The following CCDC8 variants were observed in gnomAD, a reference collection of about 807,000 sequenced individuals.
CCDC8 encodes coiled-coil domain-containing protein 8.
In CCDC8, 6 loss-of-function variants were observed where a neutral mutation model predicts 5.2. The ratio of observed to expected loss-of-function variants is 1.16; its 90% CI spans 0.63 to 2.28. The LOEUF (loss-of-function observed/expected upper bound fraction) is 2.28, where lower values mean the gene tolerates loss of function less well. CCDC8 is among the 30% of genes most tolerant of loss of function. CCDC8 has a pLI of 0.00. For missense variants in CCDC8, 724 were observed against 712.2 expected, an observed-to-expected ratio of 1.02 and a Z score of -0.19; for synonymous variants, 310 against 286.5, an observed-to-expected ratio of 1.08 and a Z score of -0.83.
Position 46,412,316 on chromosome 19 carries a change from G to A in CCDC8, c.495C>T (p.Ser165=), listed in dbSNP as rs1378120816. The A allele has an allele frequency of 6.2e-7, 1 of 1,610,976 alleles. No homozygotes were observed. Among genetic ancestry groups the A allele is most frequent in the Non-Finnish European group, 8.5e-7 (1 of 1,179,944 alleles). Residue 165 remains serine, a synonymous_variant, in exon 1 of 1, where the codon AGC becomes AGT. Coordinates refer to ENST00000307522, the MANE Select transcript of CCDC8 (RefSeq NM_032040.5). This position sits in a 1 kb window ranked among gnomAD's most constrained non-coding sequence, Gnocchi z 4.7. ...AFLRRQEKQP[S]APPARRRVNL... ...TGACGCGGCGGCGGGCAGGCGGCGC[G>A]CTGGGCTGCTTCTCCTGTCGCCGGA...
chr19:46,411,334 G>A lies in CCDC8; in HGVS notation c.1477C>T (p.Arg493Trp), dbSNP rs756260382. 46 of 1,614,024 alleles carry A rather than the reference G, an allele frequency of 2.9e-5. No homozygotes were observed. Among genetic ancestry groups the A allele is most frequent in the African/African-American group, 5.3e-5 (4 of 74,926 alleles). The change falls in exon 1 of 1, where the codon CGG becomes TGG. Residue 493 changes from arginine (R) to tryptophan (W), a missense_variant. Arg to Trp is a moderately radical substitution (Grantham distance 101, BLOSUM62 -3). Coordinates refer to ENST00000307522, the MANE Select transcript of CCDC8 (RefSeq NM_032040.5). ...PGRFSWFCKR[R>W]RAFWHTPRLP... ...CGGGGAGTGTGCCAGAAGGCTCTCC[G>A]GCGCTTGCAAAACCACGAAAAGCGT...
rs1973229542 is a variant in CCDC8, at chr19:46,411,619, C to G, written c.1192G>C (p.Asp398His). The change falls in exon 1 of 1, where the codon GAC (aspartate) becomes CAC (histidine). Residue 398 changes from aspartate (D) to histidine (H), a missense_variant. Coordinates refer to ENST00000307522, the MANE Select transcript of CCDC8 (RefSeq NM_032040.5). ...ADNQRAEAPA[D>H]QGSEVTDNQR... is the part of the protein sequence containing the mutation. ...TTATCTGTAACCTCTGACCCCTGGT[C>G]AGCTGGGGCCTCCGCCCTCTGATTA... The G allele has an allele frequency of 3.7e-6, 6 of 1,613,178 alleles. No homozygotes were observed. In the East Asian group the frequency reaches 8.9e-5, roughly 24 times the overall value.
Position 46,412,339 on chromosome 19 carries a change from G to A in CCDC8, c.472C>T (p.Arg158Trp), listed in dbSNP as rs772362396. ...GCGCTGGGCTGCTTCTCCTGTCGCC[G>A]GAGGAAGGCCTCGACCAGTTCCTCA... ...DDEELVEAFL[R>W]RQEKQPSAPP... The change falls in exon 1 of 1, where the codon CGG becomes TGG. Residue 158 changes from arginine (R) to tryptophan (W), a missense_variant. By Grantham distance (101) the Arg-to-Trp change is moderately radical. Transcript: ENST00000307522. The surrounding 1 kb of genome is among the most constrained non-coding windows in gnomAD (Gnocchi z 4.7). The A allele has an allele frequency of 3.7e-6, 6 of 1,612,950 alleles. No homozygotes were observed. The highest frequency in any genetic ancestry group is 1.3e-5 in the African/African-American group (1 of 74,928).
At position 46,412,266 on chromosome 19, in the gene CCDC8, T is replaced by A. The variant is rs1973242538; in HGVS notation, c.545A>T (p.Asp182Val). ...RVNLPVPMFE[D>V]NLGPQLSKAD... is the part of the protein sequence containing the mutation. ...TTTGGACAGCTGAGGCCCCAGGTTG[T>A]CCTCAAACATGGGCACTGGCAGGTT... The change falls in exon 1 of 1, where the codon GAC becomes GTC. Residue 182 changes from aspartate to valine, a missense_variant. Physicochemically the swap from Asp to Val is radical, Grantham distance 152. Coordinates refer to ENST00000307522, the MANE Select transcript of CCDC8 (RefSeq NM_032040.5). The surrounding 1 kb of genome is among the most constrained non-coding windows in gnomAD (Gnocchi z 4.7). 6.2e-7 allele frequency: 1 copy of A among 1,604,268 alleles called. No homozygotes were observed. The highest frequency in any genetic ancestry group is 1.3e-5 in the African/African-American group (1 of 75,038).
chr19:46,411,769 G>C lies in CCDC8; in HGVS notation c.1042C>G (p.Pro348Ala). The C allele has an allele frequency of 6.2e-7, 1 of 1,612,250 alleles. No homozygotes were observed. Among genetic ancestry groups the C allele is most frequent in the Non-Finnish European group, 8.5e-7 (1 of 1,179,586 alleles). The stretch of plus-strand genomic sequence containing the variant: ...GCAGCCTCTGCCCCCTCCTCAGCTG[G>C]GGCCCCTGCCCTCTGATTATCTGCA... ...EAADNQRAGA[P>A]AEEGAEAADN... The change falls in exon 1 of 1, where the codon CCA becomes GCA. Residue 348 changes from proline to alanine, a missense_variant. Physicochemically the swap from Pro to Ala is conservative, Grantham distance 27. Coordinates refer to ENST00000307522, the MANE Select transcript of CCDC8 (RefSeq NM_032040.5).
In CCDC8 at chr19:46,411,868, C is replaced by T. The variant is rs750015411; in HGVS notation, c.943G>A (p.Ala315Thr). Residue 315 changes from alanine (A) to threonine (T), a missense_variant, in exon 1 of 1, where the codon GCT (alanine) becomes ACT (threonine). Physicochemically the swap from Ala to Thr is moderately conservative, Grantham distance 58. Transcript: ENST00000307522. ...GCCCCTGCCCTCTGATTACCTGCAG[C>T]CCCTTCCCGCTGGTCAGCTATGGCC... is the stretch of plus-strand genomic sequence containing the variant. ...EEAIADQREG[A>T]AGNQRAGAPA... The T allele has an allele frequency of 2.5e-6, 4 of 1,613,968 alleles. No individual in the cohort carries two copies. The highest frequency in any genetic ancestry group is 1.7e-6 in the Non-Finnish European group (2 of 1,179,844).
Position 46,411,717 on chromosome 19 carries a change from T to C in CCDC8, c.1094A>G (p.Asp365Gly), listed in dbSNP as rs141966158. The change falls in exon 1 of 1, where the codon GAT becomes GGT. Residue 365 changes from aspartate (D) to glycine (G), a missense_variant. Asp to Gly is a moderately conservative substitution (Grantham distance 94). Coordinates refer to ENST00000307522, the MANE Select transcript of CCDC8 (RefSeq NM_032040.5). Reference protein sequence around the residue: ...AADNQREEAADNQRAEAPADQ... With the variant: ...AADNQREEAAGNQRAEAPADQ... The stretch of plus-strand genomic sequence containing the variant: ...AGCTGGGGCCTCTGCCCTCTGATTA[T>C]CTGCAGCCTCTTCCCTCTGGTTATC... The C allele has an allele frequency of 5.6e-6, 9 of 1,612,506 alleles. No homozygotes were observed. Among genetic ancestry groups the C allele is most frequent in the Non-Finnish European group, 7.6e-6 (9 of 1,179,576 alleles).
In CCDC8 at chr19:46,410,356, G is replaced by T. The variant is rs1222838441; in HGVS notation, c.*838C>A. 1 of 152,194 alleles carries T rather than the reference G, an allele frequency of 6.6e-6. No homozygotes were observed. Among genetic ancestry groups the T allele is most frequent in the Admixed American group, 6.6e-5 (1 of 15,262 alleles). 9.4% of individuals were successfully genotyped at this position (152,194 alleles called of 1,614,324 possible). A position where few individuals can be genotyped will look rare whatever the true frequency, so the allele number is the denominator to read the frequency against. Reference sequence around the variant, plus strand: ...GCAAATCCACACCTCTGGTGCCGAGGGCCCCAGAATCTGTGTTTTGAATGC... The same window carrying T: ...GCAAATCCACACCTCTGGTGCCGAGTGCCCCAGAATCTGTGTTTTGAATGC... On this transcript the variant is annotated 3_prime_UTR_variant, in exon 1 of 1. Transcript: ENST00000307522.
chr19:46,412,510 T>A lies in CCDC8; in HGVS notation c.301A>T (p.Asn101Tyr), dbSNP rs375027255. Residue 101 changes from asparagine to tyrosine, a missense_variant, in exon 1 of 1, where the codon AAC becomes TAC. Coordinates refer to ENST00000307522, the MANE Select transcript of CCDC8 (RefSeq NM_032040.5). The surrounding 1 kb of genome is among the most constrained non-coding windows in gnomAD (Gnocchi z 4.7). The stretch of plus-strand genomic sequence containing the variant: ...TCGCTGAACTCGCTGTCGCTGGCGT[T>A]GCTGCTGTCGTACGTGCCCACGACC... ...RLVVGTYDSSNASDSEFSDFE... is the reference protein window; with the variant it reads ...RLVVGTYDSSYASDSEFSDFE... 2.7e-5 allele frequency: 44 copies of A among 1,607,978 alleles called. No homozygotes were observed. In the African/African-American group the frequency reaches 5.7e-4, roughly 21 times the overall value.
chr19:46,413,131 A>C lies in CCDC8; in HGVS notation c.-321T>G, dbSNP rs1601464339. ...CCAGCAACGCTGACCGGAGAGTCTC[A>C]CCTCCCTAGCCAGGGACGAGCCAAA... On this transcript the variant is annotated 5_prime_UTR_variant, in exon 1 of 1. Coordinates refer to ENST00000307522, the MANE Select transcript of CCDC8 (RefSeq NM_032040.5). 4.5e-6 allele frequency: 2 copies of C among 441,386 alleles called. No individual in the cohort carries two copies. The highest frequency in any genetic ancestry group is 8.6e-6 in the Non-Finnish European group (2 of 232,096). 27.3% of individuals were successfully genotyped at this position (441,386 alleles called of 1,614,324 possible). A position where few individuals can be genotyped will look rare whatever the true frequency, so the allele number is the denominator to read the frequency against.
In CCDC8 at chr19:46,411,783, T is replaced by G. The variant is rs769988646; in HGVS notation, c.1028A>C (p.Gln343Pro). Residue 343 changes from glutamine (Q) to proline (P), a missense_variant, in exon 1 of 1, where the codon CAG becomes CCG. By Grantham distance (76) the Gln-to-Pro change is moderately conservative. Transcript: ENST00000307522. The part of the protein sequence containing the change: ...DNQREEAADN[Q>P]RAGAPAEEGA... ...CTCCTCAGCTGGGGCCCCTGCCCTC[T>G]GATTATCTGCAGCCTCTTCCCTCTG... The G allele has an allele frequency of 6.2e-7, 1 of 1,613,050 alleles. No homozygotes were observed. The highest frequency in any genetic ancestry group is 8.5e-7 in the Non-Finnish European group (1 of 1,179,382).
At position 46,412,038 on chromosome 19, in the gene CCDC8, G is replaced by A. The variant is rs1345376930; in HGVS notation, c.773C>T (p.Pro258Leu). Reference sequence around the variant, plus strand: ...CCTCCATCGCCTAGGGGAAGCCTGGGGCACACAAACATCTCCCGCGTTTCC... The same window carrying A: ...CCTCCATCGCCTAGGGGAAGCCTGGAGCACACAAACATCTCCCGCGTTTCC... ...RLGNAGDVCV[P>L]QASPRRWRPK... Residue 258 changes from proline to leucine, a missense_variant, in exon 1 of 1, where the codon CCC (proline) becomes CTC (leucine). Physicochemically the swap from Pro to Leu is moderately conservative, Grantham distance 98. Transcript: ENST00000307522. This position sits in a 1 kb window ranked among gnomAD's most constrained non-coding sequence, Gnocchi z 4.7. The A allele has an allele frequency of 6.2e-7, 1 of 1,602,076 alleles. No individual in the cohort carries two copies. The highest frequency in any genetic ancestry group is 8.5e-7 in the Non-Finnish European group (1 of 1,179,970).
rs1033980939 is a variant in CCDC8 at position 46,410,549 on chromosome 19, G to T, written c.*645C>A. 5 of 152,708 alleles carry T rather than the reference G, an allele frequency of 3.3e-5. No individual in the cohort carries two copies. The East Asian group carries it at 9.6e-4, about 29-fold the overall frequency. The allele number at this position is 152,708 out of a possible 1,614,324, so 9.5% of individuals were successfully genotyped here. On this transcript the variant is annotated 3_prime_UTR_variant, in exon 1 of 1. Coordinates refer to ENST00000307522, the MANE Select transcript of CCDC8 (RefSeq NM_032040.5). ...ATCAAGGATGGGAGTGGAACGGACA[G>T]CAAGGGCCAGGTCACCCCCAGAGCA...
In CCDC8 at chr19:46,411,103, G is replaced by A. The variant is rs772791409; in HGVS notation, c.*91C>T. Reference sequence around the variant, plus strand: ...GGGTTGTTAGGTGGAGACGTGGCCAGCACTCCACCTCCACTTTGAAGTTCA... The same window carrying A: ...GGGTTGTTAGGTGGAGACGTGGCCAACACTCCACCTCCACTTTGAAGTTCA... On this transcript the variant is annotated 3_prime_UTR_variant, in exon 1 of 1. Transcript: ENST00000307522. 1.2e-4 allele frequency: 169 copies of A among 1,458,366 alleles called. No individual in the cohort carries two copies. The highest frequency in any genetic ancestry group is 1.6e-4 in the Non-Finnish European group (163 of 1,049,102). The allele number at this position is 1,458,366 out of a possible 1,614,324, so 90.3% of individuals were successfully genotyped here. A position where few individuals can be genotyped will look rare whatever the true frequency, so the allele number is the denominator to read the frequency against.
Position 46,411,589 on chromosome 19 carries a change from TTTGA to T in CCDC8, c.1218_1221del (p.Asn406LysfsTer72), listed in dbSNP as rs1973229235. The T allele has an allele frequency of 6.2e-7, 1 of 1,613,482 alleles. No homozygotes were observed. The highest frequency in any genetic ancestry group is 8.5e-7 in the Non-Finnish European group (1 of 1,179,884). The stretch of plus-strand genomic sequence containing the variant: ...CTCTGGTCATGTACGGCCTCTTCCC[TTTGA>T]TTATCTGTAACCTCTGACCCCTGGT... On this transcript the variant is annotated frameshift_variant, in exon 1 of 1. Transcript: ENST00000307522. LOFTEE classifies it low-confidence loss of function (END_TRUNC).
In CCDC8 at chr19:46,411,445, C is replaced by T. The variant is rs934440630; in HGVS notation, c.1366G>A (p.Val456Ile). The T allele has an allele frequency of 2.5e-6, 4 of 1,614,210 alleles. No homozygotes were observed. Among genetic ancestry groups the T allele is most frequent in the Non-Finnish European group, 3.4e-6 (4 of 1,180,012 alleles). The change falls in exon 1 of 1, where the codon GTC becomes ATC. Residue 456 changes from valine (V) to isoleucine (I), a missense_variant. Physicochemically the swap from Val to Ile is conservative, Grantham distance 29 (BLOSUM62 3). Transcript: ENST00000307522. ...CCTGTGGTCCCTTGGGCAGCTGAGACTTCAGCTTCCTGGATACCTGGGGCC... is the reference window on the plus strand; with the variant it reads ...CCTGTGGTCCCTTGGGCAGCTGAGATTTCAGCTTCCTGGATACCTGGGGCC... ...AGAPGIQEAE[V>I]SAAQGTTGTA...
Position 46,412,512 on chromosome 19 carries a change from C to G in CCDC8, c.299G>C (p.Ser100Thr), listed in dbSNP as rs1341619265. The G allele has an allele frequency of 1.2e-6, 2 of 1,608,214 alleles. No individual in the cohort carries two copies. The highest frequency in any genetic ancestry group is 1.7e-6 in the Non-Finnish European group (2 of 1,179,958). Residue 100 changes from serine to threonine, a missense_variant, in exon 1 of 1, where the codon AGC becomes ACC. Physicochemically the swap from Ser to Thr is moderately conservative, Grantham distance 58. Coordinates refer to ENST00000307522, the MANE Select transcript of CCDC8 (RefSeq NM_032040.5). This position sits in a 1 kb window ranked among gnomAD's most constrained non-coding sequence, Gnocchi z 4.7. ...GCTGAACTCGCTGTCGCTGGCGTTG[C>G]TGCTGTCGTACGTGCCCACGACCAG... ...PRLVVGTYDS[S>T]NASDSEFSDF...
rs1385996397 is a variant in CCDC8 at position 46,412,469 on chromosome 19, T to A, written c.342A>T (p.Arg114Ser). Residue 114 changes from arginine to serine, a missense_variant, in exon 1 of 1, where the codon AGA becomes AGT. Physicochemically the swap from Arg to Ser is moderately radical, Grantham distance 110. Coordinates refer to ENST00000307522, the MANE Select transcript of CCDC8 (RefSeq NM_032040.5). This position sits in a 1 kb window ranked among gnomAD's most constrained non-coding sequence, Gnocchi z 4.7. ...GCCGCGGGCCCTGGCGGCTCTTGTC[T>A]CTGGAGGTCTCGAAGTCGCTGAACT... ...DSEFSDFETS[R>S]DKSRQGPRRG... 6.2e-7 allele frequency: 1 copy of A among 1,609,796 alleles called. No homozygotes were observed. Among genetic ancestry groups the A allele is most frequent in the Non-Finnish European group, 8.5e-7 (1 of 1,179,966 alleles).
At position 46,412,185 on chromosome 19, in the gene CCDC8, C is replaced by T. The variant is rs758129496; in HGVS notation, c.626G>A (p.Arg209Lys). The change falls in exon 1 of 1, where the codon AGG becomes AAG. Residue 209 changes from arginine to lysine, a missense_variant. Arg to Lys is a conservative substitution (Grantham distance 26). Coordinates refer to ENST00000307522, the MANE Select transcript of CCDC8 (RefSeq NM_032040.5). This position sits in a 1 kb window ranked among gnomAD's most constrained non-coding sequence, Gnocchi z 4.7. ...CGCCCTCGGCGCCCAACCCTTCACC[C>T]TCCGCTTCAGCTTCCCCCAGGACAC... is the stretch of plus-strand genomic sequence containing the variant. ...SQVSWGKLKR[R>K]VKGWAPRAGP... 1.9e-6 allele frequency: 3 copies of T among 1,598,660 alleles called. No individual in the cohort carries two copies. The East Asian group carries it at 6.7e-5, about 36-fold the overall frequency.
Sources: gnomAD v4.1 joint callset for allele counts on GRCh38, gnomAD v4.1.1 for gene constraint, Gnocchi (gnomAD v3.1) non-coding constraint, MANE v1.5 for transcripts, NCBI Gene and HGNC (gene_info 2026-07-23, HGNC 2026-07-21) for gene names.